Variants in RUNX1 observed in about 807,000 individuals in gnomAD.
RUNX1 encodes runt-related transcription factor 1.
A neutral mutation model predicts 42.8 loss-of-function variants in RUNX1; 19 were observed. That is an observed-to-expected ratio of 0.44 (90% confidence interval 0.31 to 0.65). The LOEUF (loss-of-function observed/expected upper bound fraction) is 0.65, where lower values mean the gene tolerates loss of function less well. Among genes scored for constraint, RUNX1 ranks in the 30% least tolerant of loss-of-function variants. The pLI is 0.07. For missense variants in RUNX1, 528 were observed against 672.0 expected (o/e 0.79, Z 2.37); for synonymous variants, 271 against 289.4 (o/e 0.94, Z 0.64).
intron 2 of RUNX1, among the ~76,000 whole-genome samples, chr21:35,043,833 G>A (rs1450159330): frequency 6.6e-6 from 1 of 152,200 alleles, no homozygotes; most frequent in Non-Finnish European, 1.5e-5. Context: ...CTTTGACAAA[G>A]TACATGATTA....
At position 35,048,943 on chromosome 21, in the gene RUNX1, C is replaced by G; in HGVS notation, c.-44G>C. The G allele has an allele frequency of 1.3e-6, 2 of 1,579,608 alleles. No individual in the cohort carries two copies. Among genetic ancestry groups the G allele is most frequent in the East Asian group, 4.5e-5 (2 of 44,712 alleles). On this transcript the variant is annotated 5_prime_UTR_variant, in exon 2 of 9. Coordinates refer to ENST00000675419, the MANE Select transcript of RUNX1 (RefSeq NM_001754.5). ...CACCCTCTTCTGAAGGCGGGGGACT[C>G]AATGATTTCTTTTACCTTCGGAGCG...
chr21:34,962,487 C>T (rs1049898975), intron 2 of RUNX1, among the ~76,000 whole-genome samples: 3 of 152,188 alleles, frequency 2.0e-5, no homozygotes, highest in Non-Finnish European at 4.4e-5. Flanking sequence ...AAAGGAACGA[C>T]TTATAAAAAT....
chr21:34,925,602 TTTCAGAGGAAGCCC>T (rs1436991608), intron 2 of RUNX1, among the ~76,000 whole-genome samples: 1 of 152,174 alleles, frequency 6.6e-6, no homozygotes, highest in African/African-American at 2.4e-5. Flanking sequence ...CCCCTTCCTG[TTTCAGAGGAAGCCC>T]GGCTCTTCCT....
At chr21:34,874,668 A>T (rs1260879742) in intron 5 of RUNX1, among the ~76,000 whole-genome samples, 1 of 111,378 alleles carries the variant, frequency 9.0e-6, no homozygotes, top group Non-Finnish European at 1.7e-5. Context: ...TCAACAAGTA[A>T]TTTTTCCTTA....
At chr21:34,930,270 G>GTGTATGTGTATATA (rs372412304) in intron 2 of RUNX1, among the ~76,000 whole-genome samples, 1 of 123,038 alleles carries the variant, frequency 8.1e-6, no homozygotes, top group African/African-American at 3.8e-5. Context: ...GTGTGTGTAT[G>GTGTATGTGTATATA]TATATATATA....
At chr21:34,997,637 G>A (rs1416311709) in intron 2 of RUNX1, among the ~76,000 whole-genome samples, 3 of 152,182 alleles carry the variant, frequency 2.0e-5, no homozygotes, top group African/African-American at 7.2e-5. Context: ...AAAGAGAGGG[G>A]CTTACACCCC....
At chr21:34,824,798 C>G (rs2146020466) in intron 7 of RUNX1, among the ~76,000 whole-genome samples, 1 of 152,238 alleles carries the variant, frequency 6.6e-6, no homozygotes, top group East Asian at 1.9e-4. Context: ...TTAAAGAGCC[C>G]TAAAATAACT....
intron 2 of RUNX1, among the ~76,000 whole-genome samples, chr21:35,021,399 T>C (rs2059196975): frequency 6.6e-6 from 1 of 152,206 alleles, no homozygotes; most frequent in Non-Finnish European, 1.5e-5. Flanking sequence ...TTTTTTTCTC[T>C]ATCAGGGAAA....
At chr21:34,876,943 A>G (rs987086199) in intron 5 of RUNX1, among the ~76,000 whole-genome samples, 1 of 151,898 alleles carries the variant, frequency 6.6e-6, no homozygotes, top group Non-Finnish European at 1.5e-5. Context: ...TGCAACCTCT[A>G]CCTCCTGGGT....
intron 2 of RUNX1, among the ~76,000 whole-genome samples, chr21:34,951,737 G>T (rs553006655): frequency 1.2e-3 from 189 of 152,318 alleles, no homozygotes; most frequent in African/African-American, 4.2e-3. Context: ...ACAGATGCTG[G>T]AGAGGATGTG....
Position 34,792,593 on chromosome 21 carries a change from C to T in RUNX1, c.985G>A (p.Ala329Thr), listed in dbSNP as rs1415582429. The T allele has an allele frequency of 7.5e-6, 12 of 1,595,910 alleles. No individual in the cohort carries two copies. The Admixed American group carries it at 2.1e-4, about 28-fold the overall frequency. ...GGGAACTGGCGCGGGTCGCTGAACGCTGTCAGGTCGGGTGCCGCTGCAGGG... is the reference window on the plus strand; with the variant it reads ...GGGAACTGGCGCGGGTCGCTGAACGTTGTCAGGTCGGGTGCCGCTGCAGGG... ...SRLSTAPDLT[A>T]FSDPRQFPAL... The change falls in exon 9 of 9, where the codon GCG (alanine) becomes ACG (threonine). Residue 329 changes from alanine (A) to threonine (T), a missense_variant. By Grantham distance (58) the Ala-to-Thr change is moderately conservative. This residue lies in a region of RUNX1 where 331 missense variants were observed against 382.5 expected (regional missense o/e 0.87). Transcript: ENST00000675419. This position sits in a 1 kb window ranked among gnomAD's most constrained non-coding sequence, Gnocchi z 6.9.
At chr21:35,014,205 C>G (rs1159886504) in intron 2 of RUNX1, among the ~76,000 whole-genome samples, 2 of 152,072 alleles carry the variant, frequency 1.3e-5, no homozygotes, top group Non-Finnish European at 2.9e-5. Context: ...ATCAGCTGTA[C>G]TTTAATTAAT....
intron 3 of RUNX1, among the ~76,000 whole-genome samples, chr21:34,890,040 C>T (rs1230890605): frequency 2.6e-5 from 4 of 152,136 alleles, no homozygotes; most frequent in African/African-American, 9.7e-5. Flanking sequence ...GCTCCTCCCT[C>T]CCCCAGGGCT....
chr21:34,877,406 C>T (rs2057829783), intron 5 of RUNX1, among the ~76,000 whole-genome samples: 2 of 152,150 alleles, frequency 1.3e-5, no homozygotes, highest in African/African-American at 4.8e-5. Flanking sequence ...CCTCTGTGCT[C>T]ACATGACCTC....
At chr21:34,846,661 G>C (rs1309513376) in intron 6 of RUNX1, among the ~76,000 whole-genome samples, 1 of 152,106 alleles carries the variant, frequency 6.6e-6, no homozygotes, top group Non-Finnish European at 1.5e-5. Flanking sequence ...ACCAGGTCAG[G>C]CCACTCCCTC....
chr21:34,856,231 G>C, intron 6 of RUNX1: 1 of 430,192 alleles, frequency 2.3e-6, no homozygotes, highest in Non-Finnish European at 4.7e-6. Flanking sequence ...CGGAATGGCA[G>C]GTTGAATGGC....
rs2056390055 is a variant in RUNX1, at chr21:34,788,055, G to A, written c.*4080C>T. 1 of 233,218 alleles carries A rather than the reference G, an allele frequency of 4.3e-6. No individual in the cohort carries two copies. The highest frequency in any genetic ancestry group is 8.5e-6 in the Non-Finnish European group (1 of 118,080). 14.4% of individuals were successfully genotyped at this position (233,218 alleles called of 1,614,324 possible). ...GCTATCTAGAAACACCTTGGAGAGAGGGTTCTGGGATATTCTCTCATGTCA... is the reference window on the plus strand; with the variant it reads ...GCTATCTAGAAACACCTTGGAGAGAAGGTTCTGGGATATTCTCTCATGTCA... On this transcript the variant is annotated 3_prime_UTR_variant, in exon 9 of 9. Coordinates refer to ENST00000675419, the MANE Select transcript of RUNX1 (RefSeq NM_001754.5).
chr21:35,026,412 C>G (rs1451112786), intron 2 of RUNX1, among the ~76,000 whole-genome samples: 1 of 152,186 alleles, frequency 6.6e-6, no homozygotes, highest in African/African-American at 2.4e-5. Flanking sequence ...CAGGCCAGGT[C>G]AACTCTCTCC....
intron 2 of RUNX1, among the ~76,000 whole-genome samples, chr21:34,935,622 C>T (rs1431032687): frequency 6.6e-6 from 1 of 151,778 alleles, no homozygotes; most frequent in Non-Finnish European, 1.5e-5. Context: ...GGTTTCTCAA[C>T]CTCAGAACTC....
Sources: gnomAD v4.1 joint callset for allele counts (sites outside exome capture counted in the v4.1 genomes callset) on GRCh38, gnomAD v4.1.1 for gene constraint, gnomAD v4.1.1 regional missense constraint, Gnocchi (gnomAD v3.1) non-coding constraint, MANE v1.5 for transcripts, NCBI Gene and HGNC (gene_info 2026-07-23, HGNC 2026-07-21) for gene names.